The following FBRSL1 variants were observed in gnomAD, a reference collection of about 807,000 sequenced individuals.
The protein encoded by FBRSL1 is fibrosin-1-like protein.
A neutral mutation model predicts 89.6 loss-of-function variants in FBRSL1; 51 were observed. That is an observed-to-expected ratio of 0.57 (90% CI 0.45 to 0.72). FBRSL1 has a LOEUF of 0.72. Ranked by LOEUF, FBRSL1 falls within the 30% of genes least tolerant of loss-of-function variation. FBRSL1 has a pLI of 0.00. For synonymous variants in FBRSL1, 779 were observed against 681.1 expected (o/e 1.14, Z -2.24); for missense variants, 1,618 against 1,451.8 (o/e 1.11, Z -1.86).
At chr12:132,560,174 C>G (rs1337494836) in intron 5 of FBRSL1, 1 of 151,736 alleles carries the variant, frequency 6.6e-6, no homozygotes, top group African/African-American at 2.4e-5. Flanking sequence ...ACGCCCGCGT[C>G]CATGCAGCCC....
chr12:132,525,606 G>A (rs375580359), intron 2 of FBRSL1, 128 bp from the exon 3 acceptor site: 57 of 709,522 alleles, frequency 8.0e-5, no homozygotes, highest in African/African-American at 2.1e-4. Context: ...AGCGCCCAGC[G>A]GCTGTCGGGG....
At chr12:132,527,764 G>A (rs2035920910) in intron 3 of FBRSL1, among the ~76,000 whole-genome samples, 189 bp from the exon 4 acceptor site, 2 of 150,180 alleles carry the variant, frequency 1.3e-5, no homozygotes, top group South Asian at 4.3e-4. Context: ...GTGGGGCAGG[G>A]TTGTGGGCTG....
intron 2 of FBRSL1, among the ~76,000 whole-genome samples, chr12:132,516,740 A>G (rs1363549284): frequency 6.6e-6 from 1 of 152,190 alleles, no homozygotes; most frequent in Non-Finnish European, 1.5e-5. Context: ...AACTTGCCCA[A>G]GGTTCACACA....
chr12:132,499,733 C>T lies in FBRSL1; in HGVS notation c.292-8420C>T, dbSNP rs1382612846. ...GGGGCTGCAGGGCTGGGGGGTGGGG[C>T]GCTGCGCAGCACCTAAACTCCGTGA... On this transcript the variant is annotated intron_variant, in intron 1 of 18. Transcript: ENST00000680143. The surrounding 1 kb of genome is among the most constrained non-coding windows in gnomAD (Gnocchi z 4.3). Among the ~76,000 whole-genome samples, 4 of 152,030 alleles carry T rather than the reference C, an allele frequency of 2.6e-5. No homozygotes were observed. The highest frequency in any genetic ancestry group is 3.9e-4 in the East Asian group (2 of 5,168).
In FBRSL1 at chr12:132,583,667, C is replaced by G; in HGVS notation, c.2898C>G (p.Pro966=). The G allele has an allele frequency of 9.1e-7, 1 of 1,097,242 alleles. No individual in the cohort carries two copies. The highest frequency in any genetic ancestry group is 1.1e-6 in the Non-Finnish European group (1 of 900,932). 68.0% of individuals were successfully genotyped at this position (1,097,242 alleles called of 1,614,324 possible). ...PPPLVTAAGP[P]TPPGPPRSRT... is the part of the protein sequence containing the mutation. ...CCCTGGTGACGGCGGCCGGGCCCCC[C>G]ACGCCCCCCGGGCCGCCGCGGAGCC... The change falls in exon 19 of 19, where the codon CCC becomes CCG. Residue 966 remains proline, a synonymous_variant. Coordinates refer to ENST00000680143, the MANE Select transcript of FBRSL1 (RefSeq NM_001367871.1).
Position 132,583,824 on chromosome 12 carries a change from G to A in FBRSL1, c.*46G>A, listed in dbSNP as rs866180576. On this transcript the variant is annotated 3_prime_UTR_variant, in exon 19 of 19. Coordinates refer to ENST00000680143, the MANE Select transcript of FBRSL1 (RefSeq NM_001367871.1). Reference sequence around the variant, plus strand: ...CTCCGAGCGGAGCGCACCGCTGTCCGTCTCTCCATCAGTTCCTAGAACTCA... The same window carrying A: ...CTCCGAGCGGAGCGCACCGCTGTCCATCTCTCCATCAGTTCCTAGAACTCA... 199 of 1,100,174 alleles carry A rather than the reference G, an allele frequency of 1.8e-4. 1 individual carries two copies. In the Middle Eastern group the frequency reaches 5.2e-3, roughly 29 times the overall value. The allele number at this position is 1,100,174 out of a possible 1,614,324, so 68.2% of individuals were successfully genotyped here.
At chr12:132,571,468 A>G in intron 9 of FBRSL1, 1 of 1,549,278 alleles carries the variant, frequency 6.5e-7, no homozygotes, top group Non-Finnish European at 8.7e-7. Flanking sequence ...GCACCAACAC[A>G]CATTCGCCCC....
chr12:132,570,946 GAGTC>G, intron 8 of FBRSL1, 118 bp from the exon 9 acceptor site: 1 of 650,908 alleles, frequency 1.5e-6, no homozygotes, highest in South Asian at 6.8e-5. Context: ...CTGAGGCTCC[GAGTC>G]AGCCCGGCCC....
Position 132,583,246 on chromosome 12 carries a change from C to T in FBRSL1, c.2477C>T (p.Pro826Leu), listed in dbSNP as rs1217396558. 13 of 1,355,850 alleles carry T rather than the reference C, an allele frequency of 9.6e-6. No homozygotes were observed. Among genetic ancestry groups the T allele is most frequent in the African/African-American group, 4.6e-5 (3 of 64,628 alleles). The allele number at this position is 1,355,850 out of a possible 1,614,324, so 84.0% of individuals were successfully genotyped here. The change falls in exon 19 of 19, where the codon CCC becomes CTC. Residue 826 changes from proline to leucine, a missense_variant. Pro to Leu is a moderately conservative substitution (Grantham distance 98). Coordinates refer to ENST00000680143, the MANE Select transcript of FBRSL1 (RefSeq NM_001367871.1). ...CGCGGGGAGGACGAGGCCTCCGAGC[C>T]CCCGGCGGGCGGCCTGCACCCCGCG... ...EERGEDEASE[P>L]PAGGLHPAPL...
At position 132,581,734 on chromosome 12, in the gene FBRSL1, C is replaced by A. The variant is rs1327930326; in HGVS notation, c.1913-7C>A. 1.0e-5 allele frequency: 16 copies of A among 1,550,142 alleles called. No individual in the cohort carries two copies. Among genetic ancestry groups the A allele is most frequent in the Non-Finnish European group, 1.4e-5 (16 of 1,146,812 alleles). ...CAGACCTCTGGGTCCCGCGGTTGCC[C>A]CCACAGACCCTTTCAGCAGACCGAG... On this transcript the variant is annotated splice_region_variant and splice_polypyrimidine_tract_variant and intron_variant, in intron 16 of 18. Coordinates refer to ENST00000680143, the MANE Select transcript of FBRSL1 (RefSeq NM_001367871.1).
At chr12:132,536,705 C>G (rs545413410) in intron 4 of FBRSL1, among the ~76,000 whole-genome samples, 8 of 151,362 alleles carry the variant, frequency 5.3e-5, no homozygotes, top group African/African-American at 1.5e-4. Context: ...ACATGATGTA[C>G]ATGACAGTGT....
At chr12:132,500,712 A>G (rs1453783682) in intron 1 of FBRSL1, among the ~76,000 whole-genome samples, 4 of 151,750 alleles carry the variant, frequency 2.6e-5, no homozygotes, top group African/African-American at 2.4e-5. Context: ...GGCCCTGCAG[A>G]CTCCGTCCAG....
chr12:132,490,647 A>C lies in FBRSL1; in HGVS notation c.77A>C (p.Asp26Ala), dbSNP rs1436147244. 1.0e-6 allele frequency: 1 copy of C among 982,800 alleles called. No individual in the cohort carries two copies. The highest frequency in any genetic ancestry group is 1.8e-5 in the African/African-American group (1 of 55,730). 60.9% of individuals were successfully genotyped at this position (982,800 alleles called of 1,614,324 possible). ...GGCCGGCGCCGGGAGGCCGCCCGCG[A>C]CGCCCGCGCCCAGAGTCCGTCGTCG... ...DRGRRREAAR[D>A]ARAQSPSSGD... The change falls in exon 1 of 19, where the codon GAC (aspartate) becomes GCC (alanine). Residue 26 changes from aspartate to alanine, a missense_variant. By Grantham distance (126) the Asp-to-Ala change is moderately radical. Transcript: ENST00000680143.
At chr12:132,564,752 C>A (rs1452605496) in intron 5 of FBRSL1, among the ~76,000 whole-genome samples, 3 of 94,920 alleles carry the variant, frequency 3.2e-5, no homozygotes, top group Non-Finnish European at 5.8e-5. Context: ...TCCTCGGCCT[C>A]CCGAGTAGCT....
At chr12:132,520,163 C>T (rs1355202947) in intron 2 of FBRSL1, among the ~76,000 whole-genome samples, 6 of 148,188 alleles carry the variant, frequency 4.0e-5, no homozygotes, top group African/African-American at 1.5e-4. Flanking sequence ...CTTGCACCCT[C>T]CAGCAACCCT....
chr12:132,534,903 T>C (rs2036583219), intron 4 of FBRSL1, among the ~76,000 whole-genome samples: 3 of 152,194 alleles, frequency 2.0e-5, no homozygotes, highest in African/African-American at 7.2e-5. Flanking sequence ...AGTGCCGCCT[T>C]TCACCCCACC....
intron 5 of FBRSL1, among the ~76,000 whole-genome samples, chr12:132,562,979 G>A (rs944521985): frequency 2.7e-5 from 4 of 145,972 alleles, no homozygotes; most frequent in African/African-American, 5.1e-5. Context: ...AAGGACCTAC[G>A]CCACACCTGG....
At chr12:132,563,758 AC>A (rs2137694318) in intron 5 of FBRSL1, among the ~76,000 whole-genome samples, 1 of 54,078 alleles carries the variant, frequency 1.8e-5, no homozygotes, top group African/African-American at 9.7e-5. Flanking sequence ...CACCCCCTGC[AC>A]CCCTCCGGCT....
chr12:132,570,193 C>G lies in FBRSL1; in HGVS notation c.959C>G (p.Ala320Gly), dbSNP rs1371427074. Residue 320 changes from alanine (A) to glycine (G), a missense_variant, in exon 7 of 19, where the codon GCC (alanine) becomes GGC (glycine). By Grantham distance (60) the Ala-to-Gly change is moderately conservative (BLOSUM62 0). Coordinates refer to ENST00000680143, the MANE Select transcript of FBRSL1 (RefSeq NM_001367871.1). ...ACACACGTGCCTGCATCCCTGGGCG[C>G]CTTCGCGGGCCACAGCCAGGCGGCA... Reference protein sequence around the residue: ...LPTHVPASLGAFAGHSQAAAN... With the variant: ...LPTHVPASLGGFAGHSQAAAN... The G allele has an allele frequency of 2.0e-6, 3 of 1,505,110 alleles. No homozygotes were observed. In the African/African-American group the frequency reaches 4.4e-5, roughly 22 times the overall value. 93.2% of individuals were successfully genotyped at this position (1,505,110 alleles called of 1,614,324 possible). A position where few individuals can be genotyped will look rare whatever the true frequency, so the allele number is the denominator to read the frequency against.
Sources: allele counts gnomAD v4.1 joint callset (sites outside exome capture counted in the v4.1 genomes callset), GRCh38; gene constraint gnomAD v4.1.1; non-coding constraint Gnocchi (gnomAD v3.1); transcripts MANE v1.5; gene names NCBI Gene and HGNC (gene_info 2026-07-23, HGNC 2026-07-21).